Variants in ZNF624 observed in about 807,000 individuals in gnomAD.
The protein encoded by ZNF624 is zinc finger protein 624.
In ZNF624, 43 loss-of-function variants were observed where a neutral mutation model predicts 74.7. The ratio of observed to expected loss-of-function variants is 0.58; its 90% CI spans 0.45 to 0.74. The LOEUF (loss-of-function observed/expected upper bound fraction) is 0.74, where lower values mean the gene tolerates loss of function less well. Ranked by LOEUF, ZNF624 falls within the 30% of genes least tolerant of loss-of-function variation. The pLI is 0.00. For synonymous variants in ZNF624, 331 were observed against 341.3 expected, an observed-to-expected ratio of 0.97 and a Z score of 0.33; for missense variants, 820 against 1,030.0, an observed-to-expected ratio of 0.80 and a Z score of 2.79.
chr17:16,619,832 A>G (rs535767749), downstream of ZNF624, among the ~76,000 whole-genome samples: 1 of 152,316 alleles, frequency 6.6e-6, no homozygotes, highest in African/African-American at 2.4e-5. Flanking sequence ...GTTTAGATGT[A>G]GTGAGGATTC....
At chr17:16,642,077 C>G (rs1795088024) in intron 3 of ZNF624, among the ~76,000 whole-genome samples, 1 of 152,130 alleles carries the variant, frequency 6.6e-6, no homozygotes, top group Admixed American at 6.5e-5. Flanking sequence ...TAGCATTACT[C>G]TCCAAATTGA....
intron 3 of ZNF624, among the ~76,000 whole-genome samples, chr17:16,646,575 T>C (rs936467905): frequency 6.6e-6 from 1 of 152,168 alleles, no homozygotes; most frequent in Non-Finnish European, 1.5e-5. Context: ...GATGTACAGA[T>C]AGTGGAAAAA....
chr17:16,632,273 TAGA>T (rs144538950), intron 5 of ZNF624, among the ~76,000 whole-genome samples: 2,082 of 152,338 alleles, frequency 0.014, 26 homozygotes, highest in South Asian at 0.024. Flanking sequence ...CTTTCCTTTC[TAGA>T]TTTTATCTCC....
intron 2 of ZNF624, among the ~76,000 whole-genome samples, chr17:16,649,068 C>T (rs1177579780): frequency 6.6e-6 from 1 of 152,186 alleles, no homozygotes; most frequent in East Asian, 1.9e-4. Context: ...CTTTATCATA[C>T]CGATAAGCAA....
At chr17:16,644,331 T>C (rs1353684315) in intron 3 of ZNF624, among the ~76,000 whole-genome samples, 1 of 152,226 alleles carries the variant, frequency 6.6e-6, no homozygotes, top group East Asian at 1.9e-4. Context: ...AAGTATCCTT[T>C]ATTCAGAAAC....
chr17:16,616,807 A>G (rs1908800875), downstream of ZNF624: 2 of 916,762 alleles, frequency 2.2e-6, no homozygotes, highest in Non-Finnish European at 3.3e-6. Context: ...TAAGCAGGAA[A>G]GTGTTCCATA....
At position 16,634,687 on chromosome 17, in the gene ZNF624, G is replaced by T; in HGVS notation, c.223C>A (p.Gln75Lys). ...ATCACATCCTTGTGCAGGTTCCTCT[G>T]TGTAGGGTCCATCAACCTCCACTCC... ...LEEWRLMDPT[Q>K]RNLHKDVMLE... is the part of the protein sequence containing the mutation. Residue 75 changes from glutamine to lysine, a missense_variant, in exon 4 of 6, where the codon CAG becomes AAG. By Grantham distance (53) the Gln-to-Lys change is moderately conservative (BLOSUM62 1). Coordinates refer to ENST00000311331, the MANE Select transcript of ZNF624 (RefSeq NM_020787.4). 2 of 1,613,868 alleles carry T rather than the reference G, an allele frequency of 1.2e-6. No homozygotes were observed. The highest frequency in any genetic ancestry group is 1.7e-6 in the Non-Finnish European group (2 of 1,179,812).
At chr17:16,634,304 T>C (rs1909275886) in intron 4 of ZNF624, among the ~76,000 whole-genome samples, 1 of 152,154 alleles carries the variant, frequency 6.6e-6, no homozygotes, top group Non-Finnish European at 1.5e-5. Flanking sequence ...GGATAATAGA[T>C]TGTGGAAATA....
Position 16,623,485 on chromosome 17 carries a change from A to G in ZNF624, c.1401T>C (p.Thr467=), listed in dbSNP as rs2142568654. Residue 467 remains threonine, a synonymous_variant, in exon 6 of 6, where the codon ACT becomes ACC. Coordinates refer to ENST00000311331, the MANE Select transcript of ZNF624 (RefSeq NM_020787.4). The surrounding 1 kb of genome is among the most constrained non-coding windows in gnomAD (Gnocchi z 5.3). The stretch of plus-strand genomic sequence containing the variant: ...CGTTACATCTAAAAGGTTTCTCTCC[A>G]GTATGAATCCTCTGATGCACATTAA... ...TIFNVHQRIH[T]GEKPFRCNEC... 6.2e-7 allele frequency: 1 copy of G among 1,613,412 alleles called. No individual in the cohort carries two copies. The highest frequency in any genetic ancestry group is 2.2e-5 in the East Asian group (1 of 44,866).
chr17:16,641,093 A>G (rs1909455398), intron 3 of ZNF624, among the ~76,000 whole-genome samples: 1 of 152,246 alleles, frequency 6.6e-6, no homozygotes, highest in Non-Finnish European at 1.5e-5. Context: ...CATCATCTTA[A>G]TAGATTCAAA....
intron 3 of ZNF624, among the ~76,000 whole-genome samples, chr17:16,638,880 G>C (rs1302628794): frequency 3.9e-5 from 6 of 152,070 alleles, no homozygotes; most frequent in Non-Finnish European, 7.4e-5. Flanking sequence ...AATAAAAAGA[G>C]GGGGAACAGG....
intron 5 of ZNF624, among the ~76,000 whole-genome samples, chr17:16,625,588 A>C (rs1279365267): frequency 1.3e-5 from 2 of 152,210 alleles, no homozygotes; most frequent in Non-Finnish European, 2.9e-5. Flanking sequence ...CCTTTTAATA[A>C]AACTTTTATG....
intron 3 of ZNF624, among the ~76,000 whole-genome samples, chr17:16,635,806 G>T (rs1909315681): frequency 6.6e-6 from 1 of 150,760 alleles, no homozygotes; most frequent in African/African-American, 2.4e-5. Flanking sequence ...ATATTGATGA[G>T]ATGAGGTTAA....
intron 3 of ZNF624, among the ~76,000 whole-genome samples, chr17:16,644,880 A>C (rs960484277): frequency 6.6e-6 from 1 of 152,262 alleles, no homozygotes; most frequent in Non-Finnish European, 1.5e-5. Flanking sequence ...GAAATTGTGT[A>C]GTCTGAAATC....
At chr17:16,649,009 C>T (rs1909657524) in intron 2 of ZNF624, among the ~76,000 whole-genome samples, 1 of 152,162 alleles carries the variant, frequency 6.6e-6, no homozygotes, top group African/African-American at 2.4e-5. Context: ...TTTCTATGAC[C>T]AGTTTAGCCC....
chr17:16,615,421 A>C, the ZNF624 span, among the ~76,000 whole-genome samples: 2 of 152,146 alleles, frequency 1.3e-5, no homozygotes, highest in African/African-American at 4.8e-5. Flanking sequence ...CTAAGATGAA[A>C]CACATTCTGG....
At chr17:16,635,783 A>T (rs1424979842) in intron 3 of ZNF624, among the ~76,000 whole-genome samples, 1 of 152,090 alleles carries the variant, frequency 6.6e-6, no homozygotes, top group Non-Finnish European at 1.5e-5. Flanking sequence ...GGGAGAAAGA[A>T]GATAGAAATG....
At chr17:16,641,085 T>A (rs1318031074) in intron 3 of ZNF624, among the ~76,000 whole-genome samples, 1 of 152,174 alleles carries the variant, frequency 6.6e-6, no homozygotes, top group Non-Finnish European at 1.5e-5. Flanking sequence ...CAACTGCACA[T>A]CATCTTAATA....
At chr17:16,645,631 T>TAAAA (rs1214536453) in intron 3 of ZNF624, among the ~76,000 whole-genome samples, 1 of 127,502 alleles carries the variant, frequency 7.8e-6, no homozygotes, top group Non-Finnish European at 1.6e-5. Flanking sequence ...AGGACTACGC[T>TAAAA]ACAAAAAAAA....
Sources: allele counts gnomAD v4.1 joint callset (sites outside exome capture counted in the v4.1 genomes callset), GRCh38; gene constraint gnomAD v4.1.1; non-coding constraint Gnocchi (gnomAD v3.1); transcripts MANE v1.5; gene names NCBI Gene and HGNC (gene_info 2026-07-23, HGNC 2026-07-21).